The following DSCAM variants were observed in gnomAD, a reference collection of about 807,000 sequenced individuals.
The protein encoded by DSCAM is cell adhesion molecule DSCAM.
In DSCAM, 47 loss-of-function variants were observed where a neutral mutation model predicts 217.7. The ratio of observed to expected loss-of-function variants is 0.22; its 90% CI spans 0.17 to 0.28. The LOEUF (loss-of-function observed/expected upper bound fraction) is 0.28. DSCAM is among the 10% of genes least tolerant of loss of function. The pLI is 1.00. For synonymous variants in DSCAM, 1,056 were observed against 1,015.3 expected (o/e 1.04, Z -0.76); for missense variants, 2,080 against 2,618.3 (o/e 0.79, Z 4.49).
chr21:40,804,045 C>G (rs1342232067), intron 1 of DSCAM, among the ~76,000 whole-genome samples: 1 of 147,714 alleles, frequency 6.8e-6, no homozygotes, highest in Non-Finnish European at 1.5e-5. Flanking sequence ...ATCCTTTAAA[C>G]CACCCCTCCA....
intron 3 of DSCAM, among the ~76,000 whole-genome samples, chr21:40,683,156 AGT>A (rs774795361): frequency 6.6e-6 from 1 of 152,278 alleles, no homozygotes; most frequent in Non-Finnish European, 1.5e-5. Context: ...TAAGCCACCC[AGT>A]GTGTGATATT....
chr21:40,227,521 T>C lies in DSCAM; in HGVS notation c.2357-38283A>G, dbSNP rs533994702. On this transcript the variant is annotated intron_variant, in intron 11 of 32. Transcript: ENST00000400454. ...AAGGCCTAGCAGCTGTCTCAAGTTC[T>C]TCCCATGATATTTCTCAGAATTTGA... Among the ~76,000 whole-genome samples the C allele has an allele frequency of 2.6e-5, 4 of 152,328 alleles. No homozygotes were observed. In the South Asian group the frequency reaches 8.3e-4, roughly 32 times the overall value.
rs557191889 is a variant in DSCAM, at chr21:40,767,999, AAG to A, written c.44-59230_44-59229del. Among the ~76,000 whole-genome samples the A allele has an allele frequency of 1.3e-3, 192 of 152,320 alleles. 3 individuals are homozygous for A. The South Asian group carries it at 0.024, about 19-fold the overall frequency. ...GCAAATGTTCAGTGACAGGGACAAA[AAG>A]AAAAAAAATCAAGAATAATGAATGT... On this transcript the variant is annotated intron_variant, in intron 1 of 32. Transcript: ENST00000400454.
At chr21:40,038,972 T>C (rs967173069) in intron 32 of DSCAM, among the ~76,000 whole-genome samples, 3 of 130,056 alleles carry the variant, frequency 2.3e-5, no homozygotes, top group African/African-American at 8.9e-5. Context: ...AACAATGAGA[T>C]CACATGGACA....
intron 18 of DSCAM, among the ~76,000 whole-genome samples, chr21:40,140,844 C>T (rs1369118488): frequency 6.6e-6 from 1 of 152,048 alleles, no homozygotes; most frequent in African/African-American, 2.4e-5. Context: ...GGAACCTCCA[C>T]AGGGACAGAC....
intron 9 of DSCAM, among the ~76,000 whole-genome samples, chr21:40,304,501 C>G (rs2074050612): frequency 6.6e-6 from 1 of 152,220 alleles, no homozygotes; most frequent in African/African-American, 2.4e-5. Context: ...AAGAACTTTT[C>G]CTTTGTGTTT....
At chr21:40,711,434 T>C (rs2090779085) in intron 1 of DSCAM, among the ~76,000 whole-genome samples, 1 of 152,218 alleles carries the variant, frequency 6.6e-6, no homozygotes, top group African/African-American at 2.4e-5. Flanking sequence ...ACCTGCTCAC[T>C]AAATGTGAGG....
rs1027402531 is a variant in DSCAM at position 40,846,802 on chromosome 21, C to T, written c.-141G>A. 5 of 202,268 alleles carry T rather than the reference C, an allele frequency of 2.5e-5. No homozygotes were observed. Among genetic ancestry groups the T allele is most frequent in the African/African-American group, 1.2e-4 (5 of 41,838 alleles). 12.5% of individuals were successfully genotyped at this position (202,268 alleles called of 1,614,324 possible). ...CGCCCGCCGCCGCCGCCGCCGCTGC[C>T]TAGCCGCCCGGGCACGCGGCGCGGC... On this transcript the variant is annotated 5_prime_UTR_variant, in exon 1 of 33. Transcript: ENST00000400454.
intron 3 of DSCAM, among the ~76,000 whole-genome samples, chr21:40,553,477 C>A (rs1050268609): frequency 4.6e-5 from 7 of 152,244 alleles, no homozygotes; most frequent in African/African-American, 1.7e-4. Flanking sequence ...GTACAGGACA[C>A]ATCCCAAGGC....
chr21:40,020,831 A>C (rs1307065157), intron 32 of DSCAM, among the ~76,000 whole-genome samples: 5 of 152,200 alleles, frequency 3.3e-5, no homozygotes, highest in African/African-American at 1.2e-4. Context: ...CCTTTGGGAC[A>C]GGGTCCCCCT....
chr21:40,122,694 A>T (rs183926436), intron 20 of DSCAM, among the ~76,000 whole-genome samples: 5 of 152,298 alleles, frequency 3.3e-5, no homozygotes, highest in Non-Finnish European at 7.4e-5. Flanking sequence ...AGCCCAGAAA[A>T]ATGTTGTGGA....
chr21:40,730,617 G>C (rs1257472110), intron 1 of DSCAM, among the ~76,000 whole-genome samples: 1 of 152,094 alleles, frequency 6.6e-6, no homozygotes, highest in Non-Finnish European at 1.5e-5. Flanking sequence ...CACAAGCCTG[G>C]CACGCTGTCC....
chr21:40,051,730 T>G (rs2088934823), intron 30 of DSCAM, among the ~76,000 whole-genome samples: 2 of 152,272 alleles, frequency 1.3e-5, no homozygotes, highest in East Asian at 3.9e-4. Flanking sequence ...TACCTGAAAT[T>G]TCTAGCACTT....
intron 3 of DSCAM, among the ~76,000 whole-genome samples, chr21:40,554,218 C>A (rs1439815247): frequency 1.4e-5 from 2 of 145,746 alleles, no homozygotes; most frequent in Non-Finnish European, 3.0e-5. Flanking sequence ...TTTTTTAATG[C>A]GACAAATTGT....
intron 1 of DSCAM, among the ~76,000 whole-genome samples, chr21:40,824,225 G>A (rs978004819): frequency 3.3e-5 from 5 of 151,898 alleles, no homozygotes; most frequent in South Asian, 2.1e-4. Flanking sequence ...CCTTTGCTTG[G>A]CCACCCTTCC....
In DSCAM at chr21:40,808,756, T is replaced by C. The variant is rs556546156; in HGVS notation, c.43+37863A>G. Among the ~76,000 whole-genome samples, 15 of 152,284 alleles carry C rather than the reference T, an allele frequency of 9.9e-5. No homozygotes were observed. The South Asian group carries it at 3.1e-3, about 32-fold the overall frequency. On this transcript the variant is annotated intron_variant, in intron 1 of 32. Transcript: ENST00000400454. ...TCCTAAAGTGCTGTGATTACAGGCATGTGCCACCATGCCCAGGCCCATTCT... is the reference window on the plus strand; with the variant it reads ...TCCTAAAGTGCTGTGATTACAGGCACGTGCCACCATGCCCAGGCCCATTCT...
At position 40,369,157 on chromosome 21, in the gene DSCAM, C is replaced by T. The variant is rs374370618; in HGVS notation, c.597G>A (p.Thr199=). 2.5e-5 allele frequency: 40 copies of T among 1,613,256 alleles called. No individual in the cohort carries two copies. Among genetic ancestry groups the T allele is most frequent in the East Asian group, 8.9e-5 (4 of 44,884 alleles). The change falls in exon 4 of 33, where the codon ACG becomes ACA. Residue 199 remains threonine, a synonymous_variant. Transcript: ENST00000400454. The stretch of plus-strand genomic sequence containing the variant: ...TCGTCTCTCCGGTGTATCGATGCCG[C>T]GTGATGCAGCGGTAGTTATACAATC... ...EDGLYNYRCI[T]RHRYTGETRQ...
chr21:40,394,461 G>A (rs912934347), intron 3 of DSCAM, among the ~76,000 whole-genome samples: 4 of 152,184 alleles, frequency 2.6e-5, no homozygotes, highest in African/African-American at 9.6e-5. Context: ...GCACTCAACA[G>A]GCTGTCAGAG....
intron 1 of DSCAM, among the ~76,000 whole-genome samples, chr21:40,823,601 T>A (rs1304827517): frequency 6.6e-6 from 1 of 152,168 alleles, no homozygotes; most frequent in Non-Finnish European, 1.5e-5. Context: ...AATAGCTTTA[T>A]GCTAACAGGA....
Sources: gnomAD v4.1 joint callset for allele counts (sites outside exome capture counted in the v4.1 genomes callset) on GRCh38, gnomAD v4.1.1 for gene constraint, MANE v1.5 for transcripts, NCBI Gene and HGNC (gene_info 2026-07-23, HGNC 2026-07-21) for gene names.